FRYL: variants seen among roughly 807,000 people sequenced by gnomAD.
FRYL encodes the protein FRY like transcription coactivator, also known as protein furry homolog-like.
A neutral mutation model predicts 351.2 loss-of-function variants in FRYL; 150 were observed. That is an observed-to-expected ratio of 0.43 (90% CI 0.37 to 0.49). The LOEUF is 0.49. FRYL is among the 20% of genes least tolerant of loss of function. FRYL has a pLI of 0.00. For missense variants in FRYL, 3,036 were observed against 3,619.3 expected, an observed-to-expected ratio of 0.84 and a Z score of 4.13; for synonymous variants, 1,153 against 1,257.1, an observed-to-expected ratio of 0.92 and a Z score of 1.75.
chr4:48,595,768 A>G (rs1744463041), intron 14 of FRYL, 70 bp from the exon 15 acceptor site: 2 of 1,132,800 alleles, frequency 1.8e-6, no homozygotes, highest in African/African-American at 3.2e-5. Flanking sequence ...AATTCTTCCT[A>G]TTCTTCATAA....
chr4:48,531,045 T>C (rs1727474749), intron 50 of FRYL, 111 bp downstream of exon 50: 1 of 733,106 alleles, frequency 1.4e-6, no homozygotes, highest in South Asian at 1.8e-5. Context: ...AGCTATCATA[T>C]TGTCTAACAC....
chr4:48,650,930 G>T (rs1264189716), intron 3 of FRYL, among the ~76,000 whole-genome samples: 1 of 152,110 alleles, frequency 6.6e-6, no homozygotes, highest in Non-Finnish European at 1.5e-5. Context: ...AAGGGGTTGG[G>T]GTGAAAGAGG....
At chr4:48,587,054 A>C (rs1742242725) in intron 18 of FRYL, among the ~76,000 whole-genome samples, 1 of 151,752 alleles carries the variant, frequency 6.6e-6, no homozygotes, top group Admixed American at 6.6e-5. Context: ...TTTAATATTT[A>C]GCCTCCCACA....
At chr4:48,553,684 C>A (rs1279735867) in intron 35 of FRYL, among the ~76,000 whole-genome samples, 1 of 151,052 alleles carries the variant, frequency 6.6e-6, no homozygotes, top group Admixed American at 6.6e-5. Flanking sequence ...CAAAAAAATA[C>A]TTTTCTGTAA....
At chr4:48,623,201 ATT>A in intron 4 of FRYL, 22 bp from the exon 5 acceptor site, 7 of 1,178,726 alleles carry the variant, frequency 5.9e-6, no homozygotes, top group Non-Finnish European at 8.4e-6. Flanking sequence ...AAAAACAAAC[ATT>A]AAAAATAAAA....
chr4:48,613,450 T>C (rs944673769), intron 7 of FRYL, among the ~76,000 whole-genome samples: 7 of 152,220 alleles, frequency 4.6e-5, no homozygotes, highest in South Asian at 2.1e-4. Context: ...GACTGAAGTT[T>C]AACAATGACA....
intron 3 of FRYL, among the ~76,000 whole-genome samples, chr4:48,644,231 C>T (rs148576447): frequency 2.0e-5 from 3 of 152,186 alleles, no homozygotes; most frequent in East Asian, 1.9e-4. Flanking sequence ...CATGAGCCAC[C>T]GCGCCTGGCC....
At chr4:48,529,404 G>A (rs550110048) in intron 50 of FRYL, among the ~76,000 whole-genome samples, 29 of 152,236 alleles carry the variant, frequency 1.9e-4, no homozygotes, top group Admixed American at 5.2e-4. Context: ...TTGAAATTAA[G>A]TATATAAAAT....
At chr4:48,578,279 T>C (rs148317941) in intron 23 of FRYL, among the ~76,000 whole-genome samples, 3 of 152,204 alleles carry the variant, frequency 2.0e-5, no homozygotes, top group East Asian at 1.9e-4. Context: ...CCTCCAGTGA[T>C]AGGTCAATCC....
chr4:48,607,455 C>A (rs1747105420), intron 9 of FRYL, among the ~76,000 whole-genome samples: 1 of 152,042 alleles, frequency 6.6e-6, no homozygotes. Flanking sequence ...TTCTTTAGCA[C>A]TTCATTAAGA....
intron 3 of FRYL, among the ~76,000 whole-genome samples, chr4:48,643,312 A>T (rs964525937): frequency 6.6e-6 from 1 of 152,192 alleles, no homozygotes; most frequent in African/African-American, 2.4e-5. Flanking sequence ...GAGAAAAGAC[A>T]AGAAGGAAAG....
In FRYL at chr4:48,538,652, T is replaced by A. The variant is rs561956610; in HGVS notation, c.6393+1319A>T. On this transcript the variant is annotated intron_variant, in intron 47 of 63. Transcript: ENST00000358350. Reference sequence around the variant, plus strand: ...ATCAAATCCCAGCTTTTAAAAAAAATTGCTTACATAAAAAGCTTTTTCTGG... The same window carrying A: ...ATCAAATCCCAGCTTTTAAAAAAAAATGCTTACATAAAAAGCTTTTTCTGG... Among the ~76,000 whole-genome samples, 17 of 152,270 alleles carry A rather than the reference T, an allele frequency of 1.1e-4. No homozygotes were observed. The East Asian group carries it at 2.1e-3, about 19-fold the overall frequency.
intron 61 of FRYL, 103 bp from the exon 62 acceptor site, chr4:48,501,836 C>T (rs1486061918): frequency 1.3e-6 from 1 of 748,044 alleles, no homozygotes; most frequent in East Asian, 2.5e-5. Context: ...TATTTTTCTG[C>T]AGTAAGGAAG....
intron 1 of FRYL, among the ~76,000 whole-genome samples, chr4:48,712,967 T>C (rs1432014763): frequency 6.6e-6 from 1 of 152,054 alleles, no homozygotes; most frequent in Non-Finnish European, 1.5e-5. Flanking sequence ...GAATTTCATA[T>C]CCAGCCAAAC....
chr4:48,653,728 G>T (rs950929193), intron 3 of FRYL: 2 of 1,290,416 alleles, frequency 1.5e-6, no homozygotes, highest in African/African-American at 3.0e-5. Context: ...GCTGCTCCAG[G>T]ACTTTAACAA....
intron 2 of FRYL, among the ~76,000 whole-genome samples, chr4:48,704,448 G>A (rs1767087029): frequency 6.6e-6 from 1 of 152,080 alleles, no homozygotes; most frequent in Non-Finnish European, 1.5e-5. Flanking sequence ...ATTACTGATG[G>A]GAACACAAAG....
At chr4:48,519,188 T>C (rs1410057074) in intron 55 of FRYL, among the ~76,000 whole-genome samples, 2 of 152,172 alleles carry the variant, frequency 1.3e-5, no homozygotes, top group Non-Finnish European at 2.9e-5. Flanking sequence ...AAAGTCTAAG[T>C]CTGTAGTGTG....
intron 1 of FRYL, among the ~76,000 whole-genome samples, chr4:48,752,467 T>G (rs1773348173): frequency 6.6e-6 from 1 of 152,260 alleles, no homozygotes; most frequent in South Asian, 2.1e-4. Flanking sequence ...ATTGTAATTC[T>G]GCCTTGGCAT....
intron 1 of FRYL, among the ~76,000 whole-genome samples, chr4:48,757,918 T>C (rs1409087075): frequency 6.6e-6 from 1 of 152,046 alleles, no homozygotes; most frequent in Non-Finnish European, 1.5e-5. Context: ...ACAGAGCCCT[T>C]AGAAATAATA....
Sources: allele counts gnomAD v4.1 joint callset (sites outside exome capture counted in the v4.1 genomes callset), GRCh38; gene constraint gnomAD v4.1.1; transcripts MANE v1.5; gene names NCBI Gene and HGNC (gene_info 2026-07-23, HGNC 2026-07-21).